The following DYNC1H1 variants were observed in gnomAD, a reference collection of about 807,000 sequenced individuals.
The protein encoded by DYNC1H1 is cytoplasmic dynein 1 heavy chain 1.
A neutral mutation model predicts 527.1 loss-of-function variants in DYNC1H1; 51 were observed. That is an observed-to-expected ratio of 0.10 (90% CI 0.08 to 0.12). The LOEUF (loss-of-function observed/expected upper bound fraction) is 0.12. Among genes scored for constraint, DYNC1H1 ranks in the 10% least tolerant of loss-of-function variants. The pLI is 1.00. For missense variants in DYNC1H1, 2,771 were observed against 5,971.8 expected (o/e 0.46, Z 17.66); for synonymous variants, 2,189 against 2,278.8 (o/e 0.96, Z 1.12).
chr14:102,012,927 T>C lies in DYNC1H1; in HGVS notation c.7014+457T>C, dbSNP rs1447054737. ...GGATTTGCACTGAGTCAGACCCTGT[T>C]CTAGATGCTGAAAATACAGCAGTAA... On this transcript the variant is annotated intron_variant, in intron 34 of 77. Transcript: ENST00000360184. This position sits in a 1 kb window ranked among gnomAD's most constrained non-coding sequence, Gnocchi z 4.9. 1 of 223,174 alleles carries C rather than the reference T, an allele frequency of 4.5e-6. No homozygotes were observed. Among genetic ancestry groups the C allele is most frequent in the Admixed American group, 5.2e-5 (1 of 19,118 alleles). The allele number at this position is 223,174 out of a possible 1,614,324, so 13.8% of individuals were successfully genotyped here.
chr14:102,033,556 T>G lies in DYNC1H1; in HGVS notation c.10413+72T>G. On this transcript the variant is annotated intron_variant, in intron 54 of 77. Coordinates refer to ENST00000360184, the MANE Select transcript of DYNC1H1 (RefSeq NM_001376.5). The surrounding 1 kb of genome is among the most constrained non-coding windows in gnomAD (Gnocchi z 5.6). ...GAGATTAACACACTTCAACATGCGCTGCATGCACCATGCTGGCCTCGGTGA... is the reference window on the plus strand; with the variant it reads ...GAGATTAACACACTTCAACATGCGCGGCATGCACCATGCTGGCCTCGGTGA... 12 of 1,555,698 alleles carry G rather than the reference T, an allele frequency of 7.7e-6. No homozygotes were observed. Among genetic ancestry groups the G allele is most frequent in the Non-Finnish European group, 1.1e-5 (12 of 1,136,418 alleles).
In DYNC1H1 at chr14:102,002,532, A is replaced by G; in HGVS notation, c.4543-5A>G. 1 of 1,614,054 alleles carries G rather than the reference A, an allele frequency of 6.2e-7. No individual in the cohort carries two copies. The highest frequency in any genetic ancestry group is 1.1e-5 in the South Asian group (1 of 91,068). On this transcript the variant is annotated splice_region_variant and splice_polypyrimidine_tract_variant and intron_variant, in intron 21 of 77. Coordinates refer to ENST00000360184, the MANE Select transcript of DYNC1H1 (RefSeq NM_001376.5). The surrounding 1 kb of genome is among the most constrained non-coding windows in gnomAD (Gnocchi z 4.4). ...GTTTACCTCTCCCTCCTGTCTGCCC[A>G]CCAGGTTTTTGAAGAGGATGCTCTC...
In DYNC1H1 at chr14:102,042,824, G is replaced by A; in HGVS notation, c.12513+76G>A. ...GTCCCATCACCAAATGCAGAAGTGG[G>A]TCCCTGGGCCCCCGGAAGTGCCGTG... On this transcript the variant is annotated intron_variant, in intron 69 of 77. Transcript: ENST00000360184. This position sits in a 1 kb window ranked among gnomAD's most constrained non-coding sequence, Gnocchi z 5.7. 1 of 1,540,434 alleles carries A rather than the reference G, an allele frequency of 6.5e-7. No individual in the cohort carries two copies. The highest frequency in any genetic ancestry group is 8.9e-7 in the Non-Finnish European group (1 of 1,126,082).
rs757687354 is a variant in DYNC1H1 at position 101,983,167 on chromosome 14, A to C, written c.1110A>C (p.Thr370=). 1.2e-5 allele frequency: 19 copies of C among 1,614,088 alleles called. No individual in the cohort carries two copies. The Admixed American group carries it at 3.2e-4, about 27-fold the overall frequency. The change falls in exon 6 of 78, where the codon ACA becomes ACC. Residue 370 remains threonine (T), a synonymous_variant. Transcript: ENST00000360184. This position sits in a 1 kb window ranked among gnomAD's most constrained non-coding sequence, Gnocchi z 5.3. ...IFTHLRKIRN[T]KYPIQRALRL... is the part of the protein sequence containing the mutation. Reference sequence around the variant, plus strand: ...CACATTTGAGAAAGATCCGAAACACAAAATATCCTATTCAGAGGGCACTGC... The same window carrying C: ...CACATTTGAGAAAGATCCGAAACACCAAATATCCTATTCAGAGGGCACTGC...
chr14:102,052,480 C>G lies in DYNC1H1; in HGVS notation c.*1917C>G, dbSNP rs375714200. ...GACATCAGCTTTGATCAGAAGAGCC[C>G]CTGCTCCTCTTGGGCTGGGACCCCT... On this transcript the variant is annotated 3_prime_UTR_variant, in exon 78 of 78. Transcript: ENST00000360184. 6.6e-6 allele frequency: 1 copy of G among 152,292 alleles called. No individual in the cohort carries two copies. Among genetic ancestry groups the G allele is most frequent in the Non-Finnish European group, 1.5e-5 (1 of 68,114 alleles). The allele number at this position is 152,292 out of a possible 1,614,324, so 9.4% of individuals were successfully genotyped here.
rs1413080480 is a variant in DYNC1H1 at position 102,020,647 on chromosome 14, G to T, written c.8507+591G>T. 6.6e-6 allele frequency among the ~76,000 whole-genome samples: 1 copy of T among 152,178 alleles called. No homozygotes were observed. Among genetic ancestry groups the T allele is most frequent in the East Asian group, 1.9e-4 (1 of 5,194 alleles). ...GTCTTGTAAGTTTTGAGTTTTTCTA[G>T]TTAAGTGACCAATACTTAAGGGAAA... On this transcript the variant is annotated intron_variant, in intron 42 of 77. Coordinates refer to ENST00000360184, the MANE Select transcript of DYNC1H1 (RefSeq NM_001376.5). The surrounding 1 kb of genome is among the most constrained non-coding windows in gnomAD (Gnocchi z 4.3).
chr14:102,035,208 C>T (rs4906176), intron 56 of DYNC1H1: 13,356 of 152,704 alleles, frequency 0.087, 983 homozygotes, highest in East Asian at 0.23. Flanking sequence ...CCAGCCCGGG[C>T]GACAGCACAA....
Position 102,038,287 on chromosome 14 carries a change from A to T in DYNC1H1, c.10909-173A>T. On this transcript the variant is annotated intron_variant, in intron 57 of 77. Transcript: ENST00000360184. The surrounding 1 kb of genome is among the most constrained non-coding windows in gnomAD (Gnocchi z 7.2). ...AGCCACCGCATCTGGCTGAGTTTTTAATTTTAGTTCATTTAAATGTAAGTA... is the reference window on the plus strand; with the variant it reads ...AGCCACCGCATCTGGCTGAGTTTTTTATTTTAGTTCATTTAAATGTAAGTA... The T allele has an allele frequency of 1.7e-6, 2 of 1,147,510 alleles. No individual in the cohort carries two copies. Among genetic ancestry groups the T allele is most frequent in the Non-Finnish European group, 2.5e-6 (2 of 798,594 alleles). The allele number at this position is 1,147,510 out of a possible 1,614,324, so 71.1% of individuals were successfully genotyped here.
intron 1 of DYNC1H1, among the ~76,000 whole-genome samples, chr14:101,966,133 A>T (rs1400810167): frequency 1.3e-5 from 2 of 152,346 alleles, no homozygotes; most frequent in East Asian, 3.9e-4. Flanking sequence ...TGGTTCTCTC[A>T]GTGAGAGACC....
In DYNC1H1 at chr14:102,044,204, C is replaced by T. The variant is rs1415999424; in HGVS notation, c.12685-70C>T. Reference sequence around the variant, plus strand: ...ATGGGGAGTGAGGAGGAAAGCTGTGCCCCTCGAAAGGAAGCCCCGGGCCTG... The same window carrying T: ...ATGGGGAGTGAGGAGGAAAGCTGTGTCCCTCGAAAGGAAGCCCCGGGCCTG... On this transcript the variant is annotated intron_variant, in intron 70 of 77. Coordinates refer to ENST00000360184, the MANE Select transcript of DYNC1H1 (RefSeq NM_001376.5). The surrounding 1 kb of genome is among the most constrained non-coding windows in gnomAD (Gnocchi z 7.1). 2 of 1,595,726 alleles carry T rather than the reference C, an allele frequency of 1.3e-6. No homozygotes were observed. Among genetic ancestry groups the T allele is most frequent in the African/African-American group, 1.3e-5 (1 of 74,714 alleles).
chr14:102,026,532 A>G (rs1025553635), intron 43 of DYNC1H1, 42 bp from the exon 44 acceptor site: 4 of 1,611,964 alleles, frequency 2.5e-6, no homozygotes, highest in Middle Eastern at 1.8e-4. Context: ...AATAACTAAC[A>G]TTTTTTTCTA....
chr14:101,992,885 C>T (rs2048014068), intron 11 of DYNC1H1, among the ~76,000 whole-genome samples: 3 of 152,148 alleles, frequency 2.0e-5, no homozygotes, highest in Admixed American at 2.0e-4. Flanking sequence ...TTTTGCCTTC[C>T]CCTTAAACTC....
At chr14:101,995,908 C>A (rs1444307160) in intron 15 of DYNC1H1, among the ~76,000 whole-genome samples, 1 of 151,554 alleles carries the variant, frequency 6.6e-6, no homozygotes, top group East Asian at 2.0e-4. Context: ...AAAAAATATA[C>A]AAAAAATTAC....
chr14:101,966,901 T>A (rs1262780315), intron 1 of DYNC1H1, among the ~76,000 whole-genome samples: 2 of 152,232 alleles, frequency 1.3e-5, no homozygotes, highest in Non-Finnish European at 2.9e-5. Flanking sequence ...TACCTTTTTT[T>A]CTTTCAGCAA....
At position 102,033,922 on chromosome 14, in the gene DYNC1H1, G is replaced by A. The variant is rs1210220942; in HGVS notation, c.10414-54G>A. On this transcript the variant is annotated intron_variant, in intron 54 of 77. Coordinates refer to ENST00000360184, the MANE Select transcript of DYNC1H1 (RefSeq NM_001376.5). The surrounding 1 kb of genome is among the most constrained non-coding windows in gnomAD (Gnocchi z 5.6). Reference sequence around the variant, plus strand: ...TGGATGAACCGATTTGCAGGATTCGGTATAAATCCTGAAAGGCCTCATCCC... The same window carrying A: ...TGGATGAACCGATTTGCAGGATTCGATATAAATCCTGAAAGGCCTCATCCC... 69 of 1,585,064 alleles carry A rather than the reference G, an allele frequency of 4.4e-5. No homozygotes were observed. Among genetic ancestry groups the A allele is most frequent in the Non-Finnish European group, 5.8e-5 (67 of 1,156,550 alleles).
chr14:101,999,083 T>C (rs903933418), intron 16 of DYNC1H1, among the ~76,000 whole-genome samples: 2 of 152,032 alleles, frequency 1.3e-5, no homozygotes, highest in East Asian at 3.9e-4. Context: ...GGGGTTTCAA[T>C]GTGTTAGCCA....
chr14:102,043,575 T>G (rs964117796), intron 69 of DYNC1H1: 1 of 420,762 alleles, frequency 2.4e-6, no homozygotes, highest in Non-Finnish European at 4.5e-6. Context: ...GTGGCAGGGG[T>G]TTCGTTCTGT....
intron 1 of DYNC1H1, among the ~76,000 whole-genome samples, chr14:101,971,685 C>T (rs1390353464): frequency 6.6e-6 from 1 of 152,138 alleles, no homozygotes. Flanking sequence ...GTGATTGCAC[C>T]ACTGCACTCC....
chr14:101,988,768 A>T lies in DYNC1H1; in HGVS notation c.2784A>T (p.Gly928=). 1 of 1,614,228 alleles carries T rather than the reference A, an allele frequency of 6.2e-7. No homozygotes were observed. Among genetic ancestry groups the T allele is most frequent in the Non-Finnish European group, 8.5e-7 (1 of 1,180,044 alleles). ...GLRAWTQVLL[G]QAEDKAEVDM... ...GAGCTTGGACGCAGGTTCTTCTTGG[A>T]CAAGCTGAAGATAAAGCAGAAGTTG... is the stretch of plus-strand genomic sequence containing the variant. The change falls in exon 10 of 78, where the codon GGA becomes GGT. Residue 928 remains glycine (G), a synonymous_variant. Transcript: ENST00000360184.
Sources: allele counts gnomAD v4.1 joint callset (sites outside exome capture counted in the v4.1 genomes callset), GRCh38; gene constraint gnomAD v4.1.1; non-coding constraint Gnocchi (gnomAD v3.1); transcripts MANE v1.5; gene names NCBI Gene and HGNC (gene_info 2026-07-23, HGNC 2026-07-21).